Variants in GRIK2 observed in about 807,000 individuals in gnomAD.
The protein encoded by GRIK2 is glutamate receptor ionotropic, kainate 2.
In GRIK2, 32 loss-of-function variants were observed where a neutral mutation model predicts 100.3. The observed-to-expected ratio is 0.32, with a 90% CI of 0.24 to 0.43. The LOEUF is 0.43. GRIK2 is among the 20% of genes least tolerant of loss of function. GRIK2 has a pLI of 1.00. For synonymous variants in GRIK2, 417 were observed against 389.4 expected (o/e 1.07, Z -0.83); for missense variants, 843 against 1,114.9 (o/e 0.76, Z 3.47).
At chr6:101,869,991 G>T (rs1224428757) in intron 11 of GRIK2, among the ~76,000 whole-genome samples, 1 of 151,936 alleles carries the variant, frequency 6.6e-6, no homozygotes. Context: ...GGCTAGTCCA[G>T]TAGGTACAGG....
Position 101,393,823 on chromosome 6 carries a change from C to T in GRIK2, c.-308C>T, listed in dbSNP as rs1041602770. On this transcript the variant is annotated 5_prime_UTR_variant, in exon 1 of 17. Coordinates refer to ENST00000369134, the MANE Select transcript of GRIK2 (RefSeq NM_021956.5). ...CACCCCACCCCCTCCCCGCCCACCT[C>T]ACCCCTAGCTCCAGGTAAGGACTCC... Among the ~76,000 whole-genome samples the T allele has an allele frequency of 6.6e-6, 1 of 151,504 alleles. No individual in the cohort carries two copies. Among genetic ancestry groups the T allele is most frequent in the African/African-American group, 2.4e-5 (1 of 41,370 alleles).
At chr6:101,763,216 T>C (rs1452500435) in intron 7 of GRIK2, among the ~76,000 whole-genome samples, 2 of 152,168 alleles carry the variant, frequency 1.3e-5, no homozygotes, top group African/African-American at 4.8e-5. Flanking sequence ...TTGATGACAA[T>C]GTGGTAAGAA....
chr6:101,545,658 A>G (rs570343988), intron 2 of GRIK2, among the ~76,000 whole-genome samples: 76 of 152,292 alleles, frequency 5.0e-4, no homozygotes, highest in African/African-American at 1.7e-3. Flanking sequence ...TAGTGCAAAC[A>G]TATATACTAT....
Position 101,713,105 on chromosome 6 carries a change from G to A in GRIK2, c.951+26752G>A, listed in dbSNP as rs564660633. ...CTGGAAGCAGTACCTCTTTCAAAGC[G>A]TAGGAGGGCAGGCTGTCAGCAAACC... On this transcript the variant is annotated intron_variant, in intron 7 of 16. Transcript: ENST00000369134. Among the ~76,000 whole-genome samples, 31 of 151,824 alleles carry A rather than the reference G, an allele frequency of 2.0e-4. No homozygotes were observed. In the South Asian group the frequency reaches 2.3e-3, roughly 11 times the overall value.
rs199739268 is a variant in GRIK2 at position 101,796,517 on chromosome 6, GA to G, written c.952-3126del. On this transcript the variant is annotated intron_variant, in intron 7 of 16. Coordinates refer to ENST00000369134, the MANE Select transcript of GRIK2 (RefSeq NM_021956.5). ...TCTGACAAGATATTAAATATAAATAGAAAAATCTACATAATATCACCAAAAC... is the reference window on the plus strand; with the variant it reads ...TCTGACAAGATATTAAATATAAATAGAAAATCTACATAATATCACCAAAAC... Among the ~76,000 whole-genome samples the G allele has an allele frequency of 7.4e-3, 1,123 of 152,060 alleles. 7 individuals are homozygous for G. Among genetic ancestry groups the G allele is most frequent in the Non-Finnish European group, 9.8e-3 (664 of 67,964 alleles).
rs1175694518 is a variant in GRIK2, at chr6:101,924,581, T to C, written c.1749-20T>C. 1 of 1,250,860 alleles carries C rather than the reference T, an allele frequency of 8.0e-7. No individual in the cohort carries two copies. The highest frequency in any genetic ancestry group is 1.2e-6 in the Non-Finnish European group (1 of 854,068). The allele number at this position is 1,250,860 out of a possible 1,614,324, so 77.5% of individuals were successfully genotyped here. A position where few individuals can be genotyped will look rare whatever the true frequency, so the allele number is the denominator to read the frequency against. On this transcript the variant is annotated intron_variant, in intron 12 of 16. Transcript: ENST00000369134. Reference sequence around the variant, plus strand: ...CCCACTGCAATTTAAATGTATTCTTTTTTCTGTCAATTACCACAGGTTTAG... The same window carrying C: ...CCCACTGCAATTTAAATGTATTCTTCTTTCTGTCAATTACCACAGGTTTAG...
chr6:101,735,076 A>G (rs1335835910), intron 7 of GRIK2, among the ~76,000 whole-genome samples: 1 of 152,170 alleles, frequency 6.6e-6, no homozygotes, highest in African/African-American at 2.4e-5. Flanking sequence ...ACAAATGAAG[A>G]AAGAAGGAAG....
At chr6:101,833,994 A>G (rs972763082) in intron 10 of GRIK2, among the ~76,000 whole-genome samples, 2 of 152,056 alleles carry the variant, frequency 1.3e-5, no homozygotes, top group Non-Finnish European at 2.9e-5. Flanking sequence ...TAAAAATTCC[A>G]AAGTATTTTT....
At chr6:101,623,238 T>C (rs574367446) in intron 3 of GRIK2, among the ~76,000 whole-genome samples, 1 of 152,028 alleles carries the variant, frequency 6.6e-6, no homozygotes, top group Non-Finnish European at 1.5e-5. Flanking sequence ...AAAGTATCCT[T>C]CTTTTCCCCC....
At chr6:101,676,047 C>T (rs1327280825) in intron 4 of GRIK2, among the ~76,000 whole-genome samples, 2 of 152,110 alleles carry the variant, frequency 1.3e-5, no homozygotes, top group African/African-American at 2.4e-5. Flanking sequence ...TCATTAAAGG[C>T]AATCTAGAAT....
chr6:101,805,536 G>A (rs1780944414), intron 9 of GRIK2, among the ~76,000 whole-genome samples: 1 of 151,926 alleles, frequency 6.6e-6, no homozygotes. Flanking sequence ...CATGCCTATT[G>A]CCTTTTCTTC....
intron 5 of GRIK2, among the ~76,000 whole-genome samples, chr6:101,678,352 G>A (rs1385961208): frequency 6.6e-6 from 1 of 151,788 alleles, no homozygotes; most frequent in African/African-American, 2.4e-5. Flanking sequence ...GTTTGCAAAA[G>A]GAAAACAGAA....
intron 2 of GRIK2, among the ~76,000 whole-genome samples, chr6:101,526,934 C>G (rs1466641817): frequency 6.6e-6 from 1 of 152,192 alleles, no homozygotes; most frequent in Non-Finnish European, 1.5e-5. Flanking sequence ...GGCAACACTT[C>G]TCCTAGCAGG....
At chr6:101,954,717 C>G (rs923109801) in intron 14 of GRIK2, among the ~76,000 whole-genome samples, 1 of 151,996 alleles carries the variant, frequency 6.6e-6, no homozygotes, top group Non-Finnish European at 1.5e-5. Flanking sequence ...GCCTTTATGG[C>G]CTGGCAATAT....
chr6:101,482,695 T>G (rs1772596779), intron 2 of GRIK2, among the ~76,000 whole-genome samples: 1 of 152,002 alleles, frequency 6.6e-6, no homozygotes. Context: ...ACTATTAGAC[T>G]AATATAGATA....
Position 101,922,208 on chromosome 6 carries a change from T to C in GRIK2, c.1749-2393T>C, listed in dbSNP as rs147888663. 6.1e-3 allele frequency among the ~76,000 whole-genome samples: 912 copies of C among 150,346 alleles called. 11 individuals carry two copies. Among genetic ancestry groups the C allele is most frequent in the African/African-American group, 0.021 (861 of 41,072 alleles). On this transcript the variant is annotated intron_variant, in intron 12 of 16. Transcript: ENST00000369134. ...CTTCAGATTATATAGTCTGAGAAAATAGAAAATAAATTTTTCAAATGTATA... is the reference window on the plus strand; with the variant it reads ...CTTCAGATTATATAGTCTGAGAAAACAGAAAATAAATTTTTCAAATGTATA...
At chr6:101,502,223 G>GT (rs1342785098) in intron 2 of GRIK2, among the ~76,000 whole-genome samples, 1 of 152,018 alleles carries the variant, frequency 6.6e-6, no homozygotes, top group African/African-American at 2.4e-5. Context: ...AAGCAATTTG[G>GT]TACCACCTAA....
At chr6:101,567,477 C>A (rs1034460343) in intron 2 of GRIK2, among the ~76,000 whole-genome samples, 3 of 151,856 alleles carry the variant, frequency 2.0e-5, no homozygotes, top group African/African-American at 7.2e-5. Context: ...CTGATATTAT[C>A]TTTTATTGCT....
At chr6:101,768,614 T>C (rs1219124663) in intron 7 of GRIK2, among the ~76,000 whole-genome samples, 8 of 152,222 alleles carry the variant, frequency 5.3e-5, no homozygotes, top group Non-Finnish European at 7.3e-5. Context: ...TATGTTAATA[T>C]GAGGGACACT....
Sources: allele counts gnomAD v4.1 joint callset (sites outside exome capture counted in the v4.1 genomes callset), GRCh38; gene constraint gnomAD v4.1.1; transcripts MANE v1.5; gene names NCBI Gene and HGNC (gene_info 2026-07-23, HGNC 2026-07-21).